Variants in ANK1 observed in about 807,000 individuals in gnomAD.
ANK1 encodes ankyrin 1.
A neutral mutation model predicts 210.4 loss-of-function variants in ANK1; 51 were observed. The observed-to-expected ratio is 0.24, with a 90% CI of 0.19 to 0.31. The LOEUF (loss-of-function observed/expected upper bound fraction) is 0.31. ANK1 is among the 10% of genes least tolerant of loss of function. ANK1 has a pLI of 1.00. For missense variants in ANK1, 2,051 were observed against 2,504.4 expected, an observed-to-expected ratio of 0.82 and a Z score of 3.86; for synonymous variants, 967 against 1,025.9, an observed-to-expected ratio of 0.94 and a Z score of 1.10.
chr8:41,702,152 A>T lies in ANK1; in HGVS notation c.2296-8T>A. The T allele has an allele frequency of 6.2e-7, 1 of 1,612,872 alleles. No individual in the cohort carries two copies. The highest frequency in any genetic ancestry group is 1.3e-5 in the African/African-American group (1 of 75,044). On this transcript the variant is annotated splice_polypyrimidine_tract_variant and splice_region_variant and intron_variant, in intron 20 of 42. Coordinates refer to ENST00000289734, the MANE Select transcript of ANK1 (RefSeq NM_000037.4). ...CAGAGGTGTGGTTCCATCCTGGGGA[A>T]AGAGCAGCCCGGGTGCAGTCAGACA...
chr8:41,838,767 A>T (rs866653838), intron 1 of ANK1, among the ~76,000 whole-genome samples: 1 of 140,512 alleles, frequency 7.1e-6, no homozygotes, highest in Non-Finnish European at 1.5e-5. Context: ...TCCGTCTCAA[A>T]AATAATAATA....
Position 41,684,593 on chromosome 8 carries a change from G to C in ANK1, c.4488C>G (p.Asp1496Glu). 6.2e-7 allele frequency: 1 copy of C among 1,613,868 alleles called. No individual in the cohort carries two copies. Among genetic ancestry groups the C allele is most frequent in the Non-Finnish European group, 8.5e-7 (1 of 1,180,042 alleles). ...AGTAGTCGCGGTCGGTGTGCCGCCTGTCTGGCTTCAAGTTGCGGCTCTGTC... is the reference window on the plus strand; with the variant it reads ...AGTAGTCGCGGTCGGTGTGCCGCCTCTCTGGCTTCAAGTTGCGGCTCTGTC... Reference protein sequence around the residue: ...SGRQSRNLKPDRRHTDRDYSL... With the variant: ...SGRQSRNLKPERRHTDRDYSL... The change falls in exon 37 of 43, where the codon GAC becomes GAG. Residue 1496 changes from aspartate to glutamate, a missense_variant. This residue lies in a region of ANK1 where 496 missense variants were observed against 533.4 expected (regional missense o/e 0.93). Coordinates refer to ENST00000289734, the MANE Select transcript of ANK1 (RefSeq NM_000037.4).
chr8:41,768,064 C>T (rs1235802793), intron 1 of ANK1, among the ~76,000 whole-genome samples: 1 of 152,236 alleles, frequency 6.6e-6, no homozygotes, highest in Non-Finnish European at 1.5e-5. Flanking sequence ...TAACTAGCGT[C>T]ACCCGAGGCT....
At chr8:41,728,135 G>A in intron 3 of ANK1, 129 bp from the exon 4 acceptor site, 1 of 748,394 alleles carries the variant, frequency 1.3e-6, no homozygotes, top group Non-Finnish European at 2.3e-6. Flanking sequence ...GGGGTAGAAA[G>A]GACACACGTG....
intron 37 of ANK1, among the ~76,000 whole-genome samples, chr8:41,683,083 C>T (rs1486970160): frequency 6.6e-6 from 1 of 152,106 alleles, no homozygotes; most frequent in African/African-American, 2.4e-5. Context: ...CACGTGCACA[C>T]ACACACACAT....
rs766500460 is a variant in ANK1, at chr8:41,724,528, C to T, written c.639G>A (p.Ala213=). 2.8e-5 allele frequency: 45 copies of T among 1,599,610 alleles called. No homozygotes were observed. Among genetic ancestry groups the T allele is most frequent in the Non-Finnish European group, 3.6e-5 (42 of 1,173,070 alleles). The change falls in exon 7 of 43, where the codon GCG becomes GCA. Residue 213 remains alanine (A), a synonymous_variant. Transcript: ENST00000289734. ...SKTGFTPLHI[A]AHYENLNVAQ... is the part of the protein sequence containing the mutation. Reference sequence around the variant, plus strand: ...CCACGTTGAGGTTCTCGTAGTGAGCCGCAATGTGCAGGGGCGTGAATCCCG... The same window carrying T: ...CCACGTTGAGGTTCTCGTAGTGAGCTGCAATGTGCAGGGGCGTGAATCCCG...
chr8:41,758,598 T>C (rs994331754), intron 1 of ANK1, among the ~76,000 whole-genome samples: 6 of 152,094 alleles, frequency 3.9e-5, no homozygotes, highest in African/African-American at 1.4e-4. Flanking sequence ...CACCTTGGCC[T>C]CCCAAAGTGT....
intron 2 of ANK1, among the ~76,000 whole-genome samples, chr8:41,742,063 G>A (rs753704643): frequency 4.6e-5 from 7 of 152,170 alleles, no homozygotes; most frequent in Non-Finnish European, 8.8e-5. Flanking sequence ...CCTCAGCTAG[G>A]CTATGTTTCT....
At chr8:41,707,087 A>G (rs1728808887) in intron 17 of ANK1, among the ~76,000 whole-genome samples, 1 of 152,220 alleles carries the variant, frequency 6.6e-6, no homozygotes. Flanking sequence ...GTGACAGAGC[A>G]AGACTCCATC....
chr8:41,815,618 C>T (rs1227522327), intron 1 of ANK1, among the ~76,000 whole-genome samples: 1 of 152,088 alleles, frequency 6.6e-6, no homozygotes, highest in Admixed American at 6.5e-5. Context: ...TACCTTATAA[C>T]AACTTACTTT....
intron 1 of ANK1, chr8:41,829,958 A>AAAAAAAAAAAAAAAAC: frequency 6.7e-6 from 1 of 149,284 alleles, no homozygotes. Context: ...AAAAAAAAAA[A>AAAAAAAAAAAAAAAAC]TCTGACGTGA....
In ANK1 at chr8:41,704,145, A is replaced by C; in HGVS notation, c.2197-6T>G. On this transcript the variant is annotated splice_polypyrimidine_tract_variant and splice_region_variant and intron_variant, in intron 19 of 42. Coordinates refer to ENST00000289734, the MANE Select transcript of ANK1 (RefSeq NM_000037.4). The surrounding 1 kb of genome is among the most constrained non-coding windows in gnomAD (Gnocchi z 4.1). ...TGCAGGGGGCTGTATCCTAGCTGCA[A>C]AGTGAGCAGACATTTAGGCAGGGTT... 5 of 1,613,450 alleles carry C rather than the reference A, an allele frequency of 3.1e-6. No homozygotes were observed. The highest frequency in any genetic ancestry group is 4.2e-6 in the Non-Finnish European group (5 of 1,179,676).
At chr8:41,667,131 C>T (rs979612456) in intron 39 of ANK1, among the ~76,000 whole-genome samples, 1 of 152,206 alleles carries the variant, frequency 6.6e-6, no homozygotes, top group African/African-American at 2.4e-5. Flanking sequence ...ACGGACGGGC[C>T]GCCTGTGGTG....
At chr8:41,675,845 A>C (rs571781806) in intron 37 of ANK1, among the ~76,000 whole-genome samples, 1 of 152,200 alleles carries the variant, frequency 6.6e-6, no homozygotes, top group Non-Finnish European at 1.5e-5. Flanking sequence ...AGGATTTTAC[A>C]TAAACGGATT....
At chr8:41,735,209 C>T (rs964170230) in intron 2 of ANK1, among the ~76,000 whole-genome samples, 15 of 152,150 alleles carry the variant, frequency 9.9e-5, no homozygotes, top group South Asian at 4.1e-4. Flanking sequence ...TGAAACTTTC[C>T]GGCAAAAGCT....
chr8:41,737,589 A>G (rs1010480326), intron 2 of ANK1, among the ~76,000 whole-genome samples: 1 of 152,190 alleles, frequency 6.6e-6, no homozygotes, highest in Non-Finnish European at 1.5e-5. Flanking sequence ...CTCTCCCTCC[A>G]TCCCAGATCC....
chr8:41,758,287 A>G (rs1554601036), intron 1 of ANK1, 150 bp from the exon 2 acceptor site: 2 of 767,514 alleles, frequency 2.6e-6, no homozygotes, highest in South Asian at 1.4e-5. Context: ...CAGGAGCCTG[A>G]GAGCCCCTGG....
In ANK1 at chr8:41,704,969, G is replaced by GT. The variant is rs1214603850; in HGVS notation, c.2098-498dup. 1.3e-5 allele frequency among the ~76,000 whole-genome samples: 2 copies of GT among 152,120 alleles called. No individual in the cohort carries two copies. Among genetic ancestry groups the GT allele is most frequent in the African/African-American group, 4.8e-5 (2 of 41,418 alleles). On this transcript the variant is annotated intron_variant, in intron 18 of 42. Coordinates refer to ENST00000289734, the MANE Select transcript of ANK1 (RefSeq NM_000037.4). This position sits in a 1 kb window ranked among gnomAD's most constrained non-coding sequence, Gnocchi z 4.1. Reference sequence around the variant, plus strand: ...GTCATGGTCACTCCAATGACAACAGGTTTTTTCCATTAGAAAGCTGAAATC... The same window carrying GT: ...GTCATGGTCACTCCAATGACAACAGGTTTTTTTCCATTAGAAAGCTGAAATC...
At chr8:41,726,008 G>A (rs1254532062) in intron 5 of ANK1, 62 bp from the exon 6 acceptor site, 3 of 1,569,036 alleles carry the variant, frequency 1.9e-6, no homozygotes, top group Non-Finnish European at 1.7e-6. Context: ...CTTCACACGG[G>A]ACACACCCTT....
Sources: gnomAD v4.1 joint callset for allele counts (sites outside exome capture counted in the v4.1 genomes callset) on GRCh38, gnomAD v4.1.1 for gene constraint, gnomAD v4.1.1 regional missense constraint, Gnocchi (gnomAD v3.1) non-coding constraint, MANE v1.5 for transcripts, NCBI Gene and HGNC (gene_info 2026-07-23, HGNC 2026-07-21) for gene names.